The following COPZ1 variants were observed in gnomAD, a reference collection of about 807,000 sequenced individuals.
COPZ1 encodes coat protein complex I subunit zeta 1.
Under a neutral mutation model 31.7 loss-of-function variants are expected in COPZ1, and 4 were observed. That is an observed-to-expected ratio of 0.13 (90% CI 0.06 to 0.29). The LOEUF (loss-of-function observed/expected upper bound fraction) is 0.29. Among genes scored for constraint, COPZ1 ranks in the 10% least tolerant of loss-of-function variants. COPZ1 has a pLI of 1.00. For synonymous variants in COPZ1, 74 were observed against 79.0 expected (o/e 0.94, Z 0.33); for missense variants, 156 against 211.5 (o/e 0.74, Z 1.63).
chr12:54,349,491 TGA>T, intron 7 of COPZ1, 127 bp from the exon 8 acceptor site: 2 of 797,062 alleles, frequency 2.5e-6, no homozygotes, highest in Middle Eastern at 2.3e-4. Context: ...TAGAAGGGAC[TGA>T]GAAGTTCAGT....
chr12:54,325,231 G>A (rs1422423433), intron 1 of COPZ1, 50 bp downstream of exon 1: 5 of 1,545,444 alleles, frequency 3.2e-6, no homozygotes, highest in Non-Finnish European at 4.4e-6. Flanking sequence ...CAGGGGCCGG[G>A]AGTCAGGGTT....
intron 1 of COPZ1, among the ~76,000 whole-genome samples, chr12:54,339,464 C>G (rs1287454747): frequency 6.6e-6 from 1 of 152,124 alleles, no homozygotes; most frequent in African/African-American, 2.4e-5. Context: ...CCTATCACCT[C>G]AGCCTCCTGA....
chr12:54,345,532 T>C lies in COPZ1; in HGVS notation c.317+17T>C, dbSNP rs143511181. The stretch of plus-strand genomic sequence containing the variant: ...GATGCTGAGGTGAGCAGGACATTCT[T>C]TTTTTTCCCCTCAAGTTATGATGGA... On this transcript the variant is annotated intron_variant, in intron 5 of 8. Transcript: ENST00000262061. The C allele has an allele frequency of 1.2e-6, 2 of 1,600,162 alleles. No homozygotes were observed. Among genetic ancestry groups the C allele is most frequent in the African/African-American group, 2.7e-5 (2 of 74,742 alleles).
chr12:54,347,950 G>A lies in COPZ1; in HGVS notation c.396-50G>A, dbSNP rs762808000. On this transcript the variant is annotated intron_variant, in intron 6 of 8. Transcript: ENST00000262061. ...CAGAGGTCCTGTTCCCCGACAGTGA[G>A]TTGGGCCTTCGGGACAGAGTGAACA... 26 of 1,608,588 alleles carry A rather than the reference G, an allele frequency of 1.6e-5. No homozygotes were observed. In the East Asian group the frequency reaches 4.5e-4, roughly 28 times the overall value.
intron 1 of COPZ1, among the ~76,000 whole-genome samples, chr12:54,326,666 T>TA: frequency 6.7e-6 from 1 of 150,000 alleles, no homozygotes; most frequent in East Asian, 2.0e-4. Context: ...TGTGTGTGTG[T>TA]GTGTGTGTGT....
At chr12:54,346,719 G>A (rs1954071138) in intron 5 of COPZ1, 1 of 698,332 alleles carries the variant, frequency 1.4e-6, no homozygotes, top group African/African-American at 1.8e-5. Context: ...AGCCAGGTGT[G>A]GTGGTGCATA....
Position 54,343,231 on chromosome 12 carries a change from T to C in COPZ1, c.176T>C (p.Ile59Thr), listed in dbSNP as rs779787626. Reference protein sequence around the residue: ...FNKTHRTDSEIALLEGLTVVY... With the variant: ...FNKTHRTDSETALLEGLTVVY... ...ACTTTTTTTCCCCCACCAGGTGAAATTGCCCTCTTGGAAGGCCTGACAGTG... is the reference window on the plus strand; with the variant it reads ...ACTTTTTTTCCCCCACCAGGTGAAACTGCCCTCTTGGAAGGCCTGACAGTG... Residue 59 changes from isoleucine (I) to threonine (T), a missense_variant, in exon 4 of 9, where the codon ATT (isoleucine) becomes ACT (threonine). Transcript: ENST00000262061. The C allele has an allele frequency of 6.2e-6, 10 of 1,613,700 alleles. No homozygotes were observed. In the Admixed American group the frequency reaches 1.5e-4, roughly 24 times the overall value.
chr12:54,344,280 A>G (rs1279026559), intron 4 of COPZ1, among the ~76,000 whole-genome samples: 1 of 152,136 alleles, frequency 6.6e-6, no homozygotes, highest in African/African-American at 2.4e-5. Flanking sequence ...GCGAAATCCC[A>G]TCTCTACTAA....
At chr12:54,349,860 G>C in intron 8 of COPZ1, 1 of 651,578 alleles carries the variant, frequency 1.5e-6, no homozygotes, top group East Asian at 2.6e-5. Flanking sequence ...AGTTACCTGT[G>C]AGCAGTGGCT....
At chr12:54,327,133 A>C (rs1953670627) in intron 1 of COPZ1, among the ~76,000 whole-genome samples, 1 of 149,852 alleles carries the variant, frequency 6.7e-6, no homozygotes, top group South Asian at 2.1e-4. Context: ...GGCACGCGCC[A>C]CCATGCCCAG....
Position 54,350,006 on chromosome 12 carries a change from A to G in COPZ1, c.486+348A>G, listed in dbSNP as rs556869611. On this transcript the variant is annotated intron_variant, in intron 8 of 8. Transcript: ENST00000262061. ...GCACACACACTCTCTTTCTCTTATTATTCAATTGAGGGCTAAGCTGGAAAT... is the reference window on the plus strand; with the variant it reads ...GCACACACACTCTCTTTCTCTTATTGTTCAATTGAGGGCTAAGCTGGAAAT... The G allele has an allele frequency of 2.9e-5, 17 of 591,000 alleles. No homozygotes were observed. In the East Asian group the frequency reaches 3.9e-4, roughly 14 times the overall value. The allele number at this position is 591,000 out of a possible 1,614,324, so 36.6% of individuals were successfully genotyped here.
At chr12:54,335,472 G>T (rs1002118569) in intron 1 of COPZ1, among the ~76,000 whole-genome samples, 1 of 150,504 alleles carries the variant, frequency 6.6e-6, no homozygotes, top group Admixed American at 6.6e-5. Context: ...GCAGTGGTGC[G>T]ATCTCAGCTC....
intron 1 of COPZ1, among the ~76,000 whole-genome samples, chr12:54,328,475 A>G (rs1262444181): frequency 6.6e-6 from 1 of 151,832 alleles, no homozygotes; most frequent in Non-Finnish European, 1.5e-5. Context: ...CTGAGGCAAG[A>G]GAATCACTTG....
intron 1 of COPZ1, chr12:54,337,148 C>G (rs1384118081): frequency 1.9e-6 from 1 of 529,428 alleles, no homozygotes; most frequent in Non-Finnish European, 3.9e-6. Flanking sequence ...ATAATAAAAA[C>G]ATAAATACAT....
chr12:54,340,763 C>T, intron 2 of COPZ1, 148 bp downstream of exon 2: 2 of 862,086 alleles, frequency 2.3e-6, no homozygotes, highest in Non-Finnish European at 3.5e-6. Context: ...TGGAGTTTCG[C>T]TCTTATCACC....
chr12:54,332,276 A>G (rs922578089), intron 1 of COPZ1, among the ~76,000 whole-genome samples: 9 of 151,100 alleles, frequency 6.0e-5, no homozygotes, highest in African/African-American at 2.2e-4. Context: ...GAGCCACTGC[A>G]CTCCAGCTTG....
intron 1 of COPZ1, chr12:54,325,384 A>G (rs1040234013): frequency 2.7e-5 from 18 of 666,040 alleles, no homozygotes; most frequent in South Asian, 1.4e-4. Flanking sequence ...GGGAGAGGGC[A>G]TAGAGTCGGT....
At chr12:54,333,445 C>G (rs986233034) in intron 1 of COPZ1, among the ~76,000 whole-genome samples, 2 of 152,186 alleles carry the variant, frequency 1.3e-5, no homozygotes, top group African/African-American at 4.8e-5. Context: ...TCAAAAAAGG[C>G]ATTAACCTTA....
At chr12:54,333,137 G>T (rs1323425483) in intron 1 of COPZ1, among the ~76,000 whole-genome samples, 1 of 152,056 alleles carries the variant, frequency 6.6e-6, no homozygotes, top group Non-Finnish European at 1.5e-5. Context: ...TCCATCTCCG[G>T]GGTTTAAGCA....
Sources: gnomAD v4.1 joint callset for allele counts (sites outside exome capture counted in the v4.1 genomes callset) on GRCh38, gnomAD v4.1.1 for gene constraint, MANE v1.5 for transcripts, NCBI Gene and HGNC (gene_info 2026-07-23, HGNC 2026-07-21) for gene names.